The following DGKD variants were observed in gnomAD, a reference collection of about 807,000 sequenced individuals.
DGKD encodes diacylglycerol kinase delta.
Under a neutral mutation model 154.4 loss-of-function variants are expected in DGKD, and 68 were observed. That is an observed-to-expected ratio of 0.44 (90% CI 0.36 to 0.54). The LOEUF (loss-of-function observed/expected upper bound fraction) is 0.54. Among genes scored for constraint, DGKD ranks in the 20% least tolerant of loss-of-function variants. The pLI, the probability that DGKD is intolerant of heterozygous loss-of-function variation, is 0.00. For missense variants in DGKD, 1,343 were observed against 1,593.6 expected, an observed-to-expected ratio of 0.84 and a Z score of 2.68; for synonymous variants, 693 against 638.0, an observed-to-expected ratio of 1.09 and a Z score of -1.30.
chr2:233,382,285 G>T (rs1335097360), intron 1 of DGKD, among the ~76,000 whole-genome samples: 1 of 152,102 alleles, frequency 6.6e-6, no homozygotes, highest in Admixed American at 6.6e-5. Context: ...AAGTTTACCA[G>T]CTTCTTTCCA....
At chr2:233,424,316 T>C (rs1299165840) in intron 3 of DGKD, among the ~76,000 whole-genome samples, 1 of 152,234 alleles carries the variant, frequency 6.6e-6, no homozygotes, top group Admixed American at 6.5e-5. Context: ...GGACAGGACA[T>C]AGCCATTTGG....
intron 3 of DGKD, among the ~76,000 whole-genome samples, chr2:233,406,353 C>T (rs191909583): frequency 6.6e-6 from 1 of 152,202 alleles, no homozygotes; most frequent in South Asian, 2.1e-4. Flanking sequence ...GGCCATCATT[C>T]GATGCCCTAT....
chr2:233,451,082 G>T, intron 17 of DGKD, 32 bp downstream of exon 17: 1 of 1,589,420 alleles, frequency 6.3e-7, no homozygotes. Context: ...GGACTGGTGG[G>T]GGCCCTAGCA....
rs745726016 is a variant in DGKD at position 233,388,247 on chromosome 2, G to T, written c.157-10G>T. The T allele has an allele frequency of 6.2e-7, 1 of 1,609,188 alleles. No homozygotes were observed. Among genetic ancestry groups the T allele is most frequent in the South Asian group, 1.1e-5 (1 of 89,990 alleles). On this transcript the variant is annotated splice_polypyrimidine_tract_variant and intron_variant, in intron 1 of 29. Transcript: ENST00000264057. ...AACGCAAGTTTATGAATATGTTTCT[G>T]TACTTTCAGACCATCATCAAAGAGG...
At chr2:233,410,219 G>A (rs2061793279) in intron 3 of DGKD, among the ~76,000 whole-genome samples, 1 of 150,258 alleles carries the variant, frequency 6.7e-6, no homozygotes, top group African/African-American at 2.5e-5. Flanking sequence ...GAGGGGGATT[G>A]GCTTCCACCC....
intron 27 of DGKD, among the ~76,000 whole-genome samples, chr2:233,465,815 C>A (rs1279220506): frequency 6.6e-6 from 1 of 152,012 alleles, no homozygotes; most frequent in Non-Finnish European, 1.5e-5. Flanking sequence ...AGAAACCTAA[C>A]CATATATTGC....
intron 1 of DGKD, among the ~76,000 whole-genome samples, chr2:233,363,556 GT>G (rs1442606399): frequency 6.6e-6 from 1 of 152,120 alleles, no homozygotes; most frequent in African/African-American, 2.4e-5. Context: ...TATAGCCTAA[GT>G]GTACAGTGTT....
chr2:233,401,992 T>C (rs1277163312), intron 3 of DGKD, among the ~76,000 whole-genome samples: 1 of 145,080 alleles, frequency 6.9e-6, no homozygotes, highest in African/African-American at 2.6e-5. Context: ...TCTTACCTAA[T>C]GAAGTTCAGG....
chr2:233,413,890 C>G (rs939152153), intron 3 of DGKD, among the ~76,000 whole-genome samples: 1 of 152,306 alleles, frequency 6.6e-6, no homozygotes, highest in African/African-American at 2.4e-5. Context: ...ATATTAAAAC[C>G]TATAGTTGGA....
At chr2:233,362,425 C>T (rs1701828018) in intron 1 of DGKD, among the ~76,000 whole-genome samples, 1 of 152,066 alleles carries the variant, frequency 6.6e-6, no homozygotes, top group South Asian at 2.1e-4. Flanking sequence ...CTGAGGTGGG[C>T]GGATCACCTG....
chr2:233,379,921 A>G (rs1702795666), intron 1 of DGKD: 1 of 152,220 alleles, frequency 6.6e-6, no homozygotes, highest in African/African-American at 2.4e-5. Flanking sequence ...ATTGTGAACC[A>G]TCGTTTGAGA....
chr2:233,414,441 G>A (rs2061906264), intron 3 of DGKD, among the ~76,000 whole-genome samples: 1 of 152,220 alleles, frequency 6.6e-6, no homozygotes, highest in Non-Finnish European at 1.5e-5. Flanking sequence ...CTGAGTTCAT[G>A]TGATAGCAAA....
chr2:233,385,502 C>T lies in DGKD; in HGVS notation c.157-2755C>T, dbSNP rs1021079409. On this transcript the variant is annotated intron_variant, in intron 1 of 29. Coordinates refer to ENST00000264057, the MANE Select transcript of DGKD (RefSeq NM_152879.3). ...ATAAGGGTATCTTAGATGGCTTGAA[C>T]GACAGTTGGCCCTTTTGTTTGTGCA... Among the ~76,000 whole-genome samples, 9 of 152,138 alleles carry T rather than the reference C, an allele frequency of 5.9e-5. No individual in the cohort carries two copies. The East Asian group carries it at 9.7e-4, about 16-fold the overall frequency.
rs1009383023 is a variant in DGKD, at chr2:233,354,946, G to T, written c.156+272G>T. On this transcript the variant is annotated intron_variant, in intron 1 of 29. Coordinates refer to ENST00000264057, the MANE Select transcript of DGKD (RefSeq NM_152879.3). The surrounding 1 kb of genome is among the most constrained non-coding windows in gnomAD (Gnocchi z 4.8). ...CCGGGCGCCGCGCGCTGGGCGGGGG[G>T]CGCGCGCCGAGTTGGGCCGCGAGGA... 2.0e-5 allele frequency among the ~76,000 whole-genome samples: 3 copies of T among 148,586 alleles called. No homozygotes were observed. Among genetic ancestry groups the T allele is most frequent in the African/African-American group, 7.3e-5 (3 of 40,982 alleles).
intron 3 of DGKD, among the ~76,000 whole-genome samples, chr2:233,418,887 G>A (rs151285501): frequency 6.4e-4 from 98 of 152,298 alleles, no homozygotes; most frequent in Non-Finnish European, 1.0e-3. Flanking sequence ...GAGCTCACCC[G>A]GACCTGGGCA....
chr2:233,438,426 GTAGA>G lies in DGKD; in HGVS notation c.1085+51_1085+54del, dbSNP rs775582380. On this transcript the variant is annotated intron_variant, in intron 9 of 29. Coordinates refer to ENST00000264057, the MANE Select transcript of DGKD (RefSeq NM_152879.3). This position sits in a 1 kb window ranked among gnomAD's most constrained non-coding sequence, Gnocchi z 4.1. ...TCTTTCTTGGAGTTTTAAAAATTGT[GTAGA>G]TAGTGTGTGCTTGTTAAAAAAAAAA... The G allele has an allele frequency of 6.4e-7, 1 of 1,550,434 alleles. No homozygotes were observed. The highest frequency in any genetic ancestry group is 1.2e-5 in the South Asian group (1 of 83,270).
intron 1 of DGKD, among the ~76,000 whole-genome samples, chr2:233,373,271 A>C (rs537841555): frequency 1.3e-5 from 2 of 152,368 alleles, no homozygotes; most frequent in African/African-American, 4.8e-5. Flanking sequence ...CAGTGTGTAA[A>C]ACACTGGAAA....
rs1371648451 is a variant in DGKD, at chr2:233,369,556, C to T, written c.156+14882C>T. Among the ~76,000 whole-genome samples, 3 of 152,202 alleles carry T rather than the reference C, an allele frequency of 2.0e-5. No individual in the cohort carries two copies. In the East Asian group the frequency reaches 5.8e-4, roughly 29 times the overall value. ...TGCAATCATTCATTTCAGGTTTGTG[C>T]ATGTACTTTATGGCATGTTTTTCCA... On this transcript the variant is annotated intron_variant, in intron 1 of 29. Transcript: ENST00000264057.
chr2:233,471,421 A>G lies in DGKD; in HGVS notation c.*1961A>G, dbSNP rs2064011710. ...CAGGTGGAATGGGCTAACACAGGAG[A>G]TGATGGGAACCTGTCCCGCAGTCCC... On this transcript the variant is annotated 3_prime_UTR_variant, in exon 30 of 30. Coordinates refer to ENST00000264057, the MANE Select transcript of DGKD (RefSeq NM_152879.3). 1 of 152,318 alleles carries G rather than the reference A, an allele frequency of 6.6e-6. No homozygotes were observed. The highest frequency in any genetic ancestry group is 1.5e-5 in the Non-Finnish European group (1 of 68,056). 9.4% of individuals were successfully genotyped at this position (152,318 alleles called of 1,614,324 possible).
Sources: gnomAD v4.1 joint callset for allele counts (sites outside exome capture counted in the v4.1 genomes callset) on GRCh38, gnomAD v4.1.1 for gene constraint, Gnocchi (gnomAD v3.1) non-coding constraint, MANE v1.5 for transcripts, NCBI Gene and HGNC (gene_info 2026-07-23, HGNC 2026-07-21) for gene names.